The following GRID2 variants were observed in gnomAD, a reference collection of about 807,000 sequenced individuals.
GRID2 encodes glutamate receptor ionotropic, delta-2.
Under a neutral mutation model 114.8 loss-of-function variants are expected in GRID2, and 33 were observed. The ratio of observed to expected loss-of-function variants is 0.29; its 90% CI spans 0.22 to 0.38. GRID2 has a LOEUF of 0.38. Among genes scored for constraint, GRID2 ranks in the 10% least tolerant of loss-of-function variants. The pLI is 1.00. For missense variants in GRID2, 1,184 were observed against 1,257.7 expected (o/e 0.94, Z 0.89); for synonymous variants, 505 against 449.9 (o/e 1.12, Z -1.55).
At chr4:93,314,303 C>CAAAAAAAAAA (rs56977080) in intron 8 of GRID2, among the ~76,000 whole-genome samples, 3 of 54,146 alleles carry the variant, frequency 5.5e-5, no homozygotes, top group Non-Finnish European at 1.0e-4. Flanking sequence ...GAGTCTGTCT[C>CAAAAAAAAAA]AAAAAAAAAA....
intron 2 of GRID2, among the ~76,000 whole-genome samples, chr4:92,844,445 A>G (rs1236873293): frequency 6.6e-6 from 1 of 152,054 alleles, no homozygotes; most frequent in Non-Finnish European, 1.5e-5. Context: ...AGGCTGAGGC[A>G]GGAGAATAAC....
chr4:93,252,826 G>T (rs1333742955), intron 8 of GRID2, among the ~76,000 whole-genome samples: 4 of 151,850 alleles, frequency 2.6e-5, no homozygotes, highest in Admixed American at 2.0e-4. Flanking sequence ...TCTTTTTGTG[G>T]CAATTGCAAA....
chr4:93,161,432 G>A (rs1737674804), intron 4 of GRID2, among the ~76,000 whole-genome samples: 1 of 151,754 alleles, frequency 6.6e-6, no homozygotes, highest in Non-Finnish European at 1.5e-5. Flanking sequence ...CTTAGGAAAG[G>A]CCTTAATTAA....
intron 8 of GRID2, among the ~76,000 whole-genome samples, chr4:93,251,877 A>G (rs751263591): frequency 7.2e-5 from 11 of 152,106 alleles, no homozygotes; most frequent in Non-Finnish European, 1.5e-5. Flanking sequence ...CATTGTGTAT[A>G]TGTACCACAT....
chr4:93,207,394 T>C lies in GRID2; in HGVS notation c.736-10T>C, dbSNP rs1742928506. The C allele has an allele frequency of 1.9e-6, 3 of 1,585,522 alleles. No individual in the cohort carries two copies. The highest frequency in any genetic ancestry group is 2.6e-6 in the Non-Finnish European group (3 of 1,154,448). ...ATTTTGACTGATAGCTGATTTGTTT[T>C]CTATTCTAGGTTGTGGAGACTAATT... On this transcript the variant is annotated splice_polypyrimidine_tract_variant and intron_variant, in intron 4 of 15. Transcript: ENST00000282020.
chr4:93,308,406 C>A (rs1755665151), intron 8 of GRID2, among the ~76,000 whole-genome samples: 1 of 152,164 alleles, frequency 6.6e-6, no homozygotes, highest in Non-Finnish European at 1.5e-5. Flanking sequence ...TTAGGGTCTT[C>A]ATAAAACAGC....
chr4:92,549,120 C>T (rs529556529), intron 1 of GRID2, among the ~76,000 whole-genome samples: 13 of 95,858 alleles, frequency 1.4e-4, no homozygotes, highest in East Asian at 1.1e-3. Context: ...TTAGGTCTTC[C>T]GCAAAAAAAA....
At chr4:93,028,572 C>T (rs1724096915) in intron 2 of GRID2, among the ~76,000 whole-genome samples, 1 of 151,964 alleles carries the variant, frequency 6.6e-6, no homozygotes. Flanking sequence ...CAGAGCAAAT[C>T]TAATTTGGAA....
intron 2 of GRID2, among the ~76,000 whole-genome samples, chr4:92,834,268 A>G (rs186064866): frequency 2.0e-5 from 3 of 152,092 alleles, no homozygotes; most frequent in African/African-American, 7.2e-5. Context: ...TATTTCATAT[A>G]TTTTCTTTTG....
intron 2 of GRID2, among the ~76,000 whole-genome samples, chr4:92,898,119 C>T (rs1032753401): frequency 1.2e-4 from 18 of 152,226 alleles, no homozygotes; most frequent in African/African-American, 3.6e-4. Flanking sequence ...CTAGTTATTT[C>T]TCACTGATCA....
At chr4:92,931,752 TA>T (rs1750257205) in intron 2 of GRID2, among the ~76,000 whole-genome samples, 2 of 150,886 alleles carry the variant, frequency 1.3e-5, no homozygotes, top group Admixed American at 6.6e-5. Flanking sequence ...CTTCTAGTAA[TA>T]AAGTCATGTG....
intron 1 of GRID2, among the ~76,000 whole-genome samples, chr4:92,331,545 G>C (rs996196191): frequency 1.3e-5 from 2 of 152,148 alleles, no homozygotes; most frequent in Non-Finnish European, 2.9e-5. Context: ...AAGGAAGAAA[G>C]GGAATACATG....
chr4:92,419,962 A>G (rs1731815826), intron 1 of GRID2, among the ~76,000 whole-genome samples: 1 of 152,096 alleles, frequency 6.6e-6, no homozygotes, highest in African/African-American at 2.4e-5. Flanking sequence ...AATTTCATCA[A>G]AGTTTCTTAG....
intron 1 of GRID2, among the ~76,000 whole-genome samples, chr4:92,515,045 A>C (rs559530126): frequency 6.6e-6 from 1 of 152,074 alleles, no homozygotes; most frequent in East Asian, 2.0e-4. Flanking sequence ...AACTATGCAG[A>C]AATACCAAGC....
intron 2 of GRID2, among the ~76,000 whole-genome samples, chr4:92,957,860 T>A (rs2149146261): frequency 6.6e-6 from 1 of 152,196 alleles, no homozygotes; most frequent in Non-Finnish European, 1.5e-5. Flanking sequence ...TCATATAGAT[T>A]CTGTGCATAT....
At chr4:92,450,874 TAA>T (rs1191804866) in intron 1 of GRID2, among the ~76,000 whole-genome samples, 1 of 147,300 alleles carries the variant, frequency 6.8e-6, no homozygotes, top group African/African-American at 2.5e-5. Flanking sequence ...AATTTTTAAA[TAA>T]GTTTAAATAA....
intron 13 of GRID2, among the ~76,000 whole-genome samples, chr4:93,537,696 C>T (rs1560727904): frequency 6.6e-6 from 1 of 151,762 alleles, no homozygotes; most frequent in Non-Finnish European, 1.5e-5. Flanking sequence ...TTTCTGTCAA[C>T]ATTACAACTT....
At chr4:92,743,261 A>G (rs1736984193) in intron 2 of GRID2, among the ~76,000 whole-genome samples, 1 of 152,208 alleles carries the variant, frequency 6.6e-6, no homozygotes, top group Non-Finnish European at 1.5e-5. Context: ...TGGGCAACAG[A>G]ATGAGACCCT....
intron 9 of GRID2, among the ~76,000 whole-genome samples, chr4:93,397,775 T>C (rs1765476469): frequency 6.6e-6 from 1 of 152,024 alleles, no homozygotes; most frequent in South Asian, 2.1e-4. Flanking sequence ...ATATAACCTA[T>C]GTACCTCCTC....
Sources: allele counts gnomAD v4.1 joint callset (sites outside exome capture counted in the v4.1 genomes callset), GRCh38; gene constraint gnomAD v4.1.1; transcripts MANE v1.5; gene names NCBI Gene and HGNC (gene_info 2026-07-23, HGNC 2026-07-21).